The following NARS1 variants were observed in gnomAD, a reference collection of about 807,000 sequenced individuals.
NARS1 encodes asparaginyl-tRNA synthetase 1.
In NARS1, 65 loss-of-function variants were observed where a neutral mutation model predicts 79.2. That is an observed-to-expected ratio of 0.82 (90% CI 0.67 to 1.01). The LOEUF is 1.01. NARS1 is among the 50% of genes least tolerant of loss of function. The pLI is 0.00. For synonymous variants in NARS1, 229 were observed against 238.8 expected (o/e 0.96, Z 0.38); for missense variants, 649 against 673.8 (o/e 0.96, Z 0.41).
intron 7 of NARS1, among the ~76,000 whole-genome samples, chr18:57,608,678 G>A (rs187894342): frequency 2.3e-4 from 35 of 152,266 alleles, no homozygotes; most frequent in Admixed American, 2.2e-3. Flanking sequence ...ACTGGAAAAG[G>A]CATAGTGAAT....
intron 10 of NARS1, 72 bp downstream of exon 10, chr18:57,606,544 A>C: frequency 6.8e-7 from 1 of 1,467,908 alleles, no homozygotes. Flanking sequence ...ATCTACAAAA[A>C]CTGAGGGTGA....
At chr18:57,602,166 T>C (rs2051512615) in intron 13 of NARS1, among the ~76,000 whole-genome samples, 189 bp downstream of exon 13, 1 of 152,174 alleles carries the variant, frequency 6.6e-6, no homozygotes, top group Non-Finnish European at 1.5e-5. Flanking sequence ...GGTTTTCAAA[T>C]GAAATTAACA....
chr18:57,604,776 C>A (rs1030547106), intron 11 of NARS1, among the ~76,000 whole-genome samples: 2 of 152,134 alleles, frequency 1.3e-5, no homozygotes, highest in African/African-American at 4.8e-5. Context: ...GTAATCCCAG[C>A]ACTTTTGGAG....
At chr18:57,613,050 A>C (rs1454764030) in intron 5 of NARS1, among the ~76,000 whole-genome samples, 1 of 152,160 alleles carries the variant, frequency 6.6e-6, no homozygotes, top group Non-Finnish European at 1.5e-5. Context: ...TTATACTTTC[A>C]ATAGTCATTT....
intron 11 of NARS1, among the ~76,000 whole-genome samples, chr18:57,605,610 C>CAAAAAAAAAAA (rs11285116): frequency 7.3e-5 from 8 of 109,584 alleles, no homozygotes; most frequent in African/African-American, 1.4e-4. Context: ...GACTCCGTCT[C>CAAAAAAAAAAA]AAAAAAAAAA....
In NARS1 at chr18:57,605,923, A is replaced by G; in HGVS notation, c.1185T>C (p.Asp395=). Residue 395 remains aspartate (D), a synonymous_variant, in exon 11 of 14, where the codon GAT becomes GAC. Transcript: ENST00000256854. ...CATGTTCTTTTAGCCAAACGATAGC[A>G]TCTGAATAGTTCATCCGTTTGAAAG... The part of the protein sequence containing the change: ...KRPFKRMNYS[D]AIVWLKEHDV... 2 of 1,613,872 alleles carry G rather than the reference A, an allele frequency of 1.2e-6. No homozygotes were observed. Among genetic ancestry groups the G allele is most frequent in the Non-Finnish European group, 1.7e-6 (2 of 1,179,870 alleles).
At chr18:57,608,102 G>A (rs1361150660) in intron 7 of NARS1, among the ~76,000 whole-genome samples, 5 of 150,910 alleles carry the variant, frequency 3.3e-5, no homozygotes, top group African/African-American at 9.7e-5. Flanking sequence ...TCCTGACCTC[G>A]TGATCCGCCC....
chr18:57,607,226 G>A lies in NARS1; in HGVS notation c.909C>T (p.Tyr303=). The A allele has an allele frequency of 6.2e-7, 1 of 1,614,128 alleles. No individual in the cohort carries two copies. The change falls in exon 9 of 14, where the codon TAC becomes TAT. Residue 303 remains tyrosine, a synonymous_variant. Transcript: ENST00000256854. Reference sequence around the variant, plus strand: ...CCAGGGCTGGGAGGCAGGTCTCCAAGTACAACTGAGAGGATTGAGTCAAAA... The same window carrying A: ...CCAGGGCTGGGAGGCAGGTCTCCAAATACAACTGAGAGGATTGAGTCAAAA... ...EAFLTQSSQL[Y]LETCLPALGD...
Position 57,605,919 on chromosome 18 carries a change from T to C in NARS1, c.1189A>G (p.Ile397Val), listed in dbSNP as rs79435773. 2.8e-3 allele frequency: 4,587 copies of C among 1,613,734 alleles called. 11 individuals are homozygous for C. The highest frequency in any genetic ancestry group is 3.5e-3 in the Non-Finnish European group (4,167 of 1,179,768). Residue 397 changes from isoleucine to valine, a missense_variant, in exon 11 of 14, where the codon ATC becomes GTC. Ile to Val is a conservative substitution (Grantham distance 29). Coordinates refer to ENST00000256854, the MANE Select transcript of NARS1 (RefSeq NM_004539.4). ...PFKRMNYSDAIVWLKEHDVKK... is the reference protein window; with the variant it reads ...PFKRMNYSDAVVWLKEHDVKK... ...ACATCATGTTCTTTTAGCCAAACGA[T>C]AGCATCTGAATAGTTCATCCGTTTG...
intron 2 of NARS1, 128 bp downstream of exon 2, chr18:57,620,441 A>G: frequency 1.6e-6 from 1 of 639,894 alleles, no homozygotes; most frequent in Non-Finnish European, 2.8e-6. Flanking sequence ...TGCATTCCTT[A>G]CTTTCCCTTT....
chr18:57,607,044 T>C (rs1347717117), intron 9 of NARS1, 90 bp downstream of exon 9: 1 of 1,380,422 alleles, frequency 7.2e-7, no homozygotes, highest in Non-Finnish European at 9.9e-7. Flanking sequence ...GTTGGTTTTT[T>C]TTAAAACATA....
chr18:57,602,539 A>G, intron 12 of NARS1, 53 bp from the exon 13 acceptor site: 16 of 1,594,286 alleles, frequency 1.0e-5, no homozygotes, highest in Non-Finnish European at 1.4e-5. Flanking sequence ...GATCAGACAC[A>G]GCACTGCCCT....
chr18:57,615,337 C>CT, intron 4 of NARS1, among the ~76,000 whole-genome samples: 1 of 151,980 alleles, frequency 6.6e-6, no homozygotes, highest in African/African-American at 2.4e-5. Flanking sequence ...CCCGTCTCTA[C>CT]CAAAAATACA....
At chr18:57,605,548 A>G (rs189065204) in intron 11 of NARS1, among the ~76,000 whole-genome samples, 249 of 148,332 alleles carry the variant, frequency 1.7e-3, no homozygotes, top group Non-Finnish European at 3.0e-3. Flanking sequence ...CGGAGGTTGC[A>G]GTGAGCCGAG....
At chr18:57,618,157 G>A (rs528311168) in intron 2 of NARS1, among the ~76,000 whole-genome samples, 10 of 151,184 alleles carry the variant, frequency 6.6e-5, no homozygotes, top group South Asian at 6.3e-4. Context: ...GCATGGTGGC[G>A]AGTGCCTATA....
At chr18:57,616,154 C>T (rs112975248) in intron 2 of NARS1, 179 bp from the exon 3 acceptor site, 62,072 of 568,904 alleles carry the variant, frequency 0.11, 3,879 homozygotes, top group Non-Finnish European at 0.13. Context: ...TGGCTGGGCG[C>T]GGTGGCTCAC....
In NARS1 at chr18:57,601,799, A is replaced by G; in HGVS notation, c.1516-16T>C. Reference sequence around the variant, plus strand: ...CGTATTTTCTCTGTTTAAAAAAAGAAAGAAAGAAAGAGGAGTAAATACTTA... The same window carrying G: ...CGTATTTTCTCTGTTTAAAAAAAGAGAGAAAGAAAGAGGAGTAAATACTTA... On this transcript the variant is annotated splice_polypyrimidine_tract_variant and intron_variant, in intron 13 of 13. Coordinates refer to ENST00000256854, the MANE Select transcript of NARS1 (RefSeq NM_004539.4). The G allele has an allele frequency of 6.2e-7, 1 of 1,611,524 alleles. No homozygotes were observed. Among genetic ancestry groups the G allele is most frequent in the Non-Finnish European group, 8.5e-7 (1 of 1,178,070 alleles).
chr18:57,619,558 C>G (rs898059082), intron 2 of NARS1, among the ~76,000 whole-genome samples: 1 of 151,946 alleles, frequency 6.6e-6, no homozygotes, highest in Non-Finnish European at 1.5e-5. Context: ...TAACCATCTT[C>G]CTTATGTGGC....
chr18:57,609,482 T>G, intron 6 of NARS1, 39 bp from the exon 7 acceptor site: 2 of 1,543,468 alleles, frequency 1.3e-6, no homozygotes, highest in South Asian at 1.1e-5. Flanking sequence ...TTATTCACAT[T>G]GATTTAAAAA....
Sources: allele counts gnomAD v4.1 joint callset (sites outside exome capture counted in the v4.1 genomes callset), GRCh38; gene constraint gnomAD v4.1.1; transcripts MANE v1.5; gene names NCBI Gene and HGNC (gene_info 2026-07-23, HGNC 2026-07-21).